Variants in MIA2 observed in about 807,000 individuals in gnomAD.
MIA2 encodes the protein melanoma inhibitory activity protein 2.
Under a neutral mutation model 167.8 loss-of-function variants are expected in MIA2, and 127 were observed. The observed-to-expected ratio is 0.76, with a 90% CI of 0.66 to 0.88. The LOEUF (loss-of-function observed/expected upper bound fraction) is 0.88. Among genes scored for constraint, MIA2 ranks in the 40% least tolerant of loss-of-function variants. MIA2 has a pLI of 0.00. For synonymous variants in MIA2, 552 were observed against 541.9 expected (o/e 1.02, Z -0.26); for missense variants, 1,690 against 1,624.7 (o/e 1.04, Z -0.69).
chr14:39,253,807 T>C (rs1168267090), intron 6 of MIA2, among the ~76,000 whole-genome samples: 2 of 152,220 alleles, frequency 1.3e-5, no homozygotes, highest in African/African-American at 4.8e-5. Flanking sequence ...CTATTTTCAC[T>C]TGTAAATTTT....
intron 25 of MIA2, among the ~76,000 whole-genome samples, chr14:39,328,444 T>G (rs1443976405): frequency 6.6e-6 from 1 of 152,354 alleles, no homozygotes; most frequent in East Asian, 1.9e-4. Context: ...TAGTTTCTTT[T>G]GCTGTGCAGA....
intron 9 of MIA2, among the ~76,000 whole-genome samples, chr14:39,282,626 T>C (rs1400548636): frequency 6.6e-6 from 1 of 152,142 alleles, no homozygotes; most frequent in Non-Finnish European, 1.5e-5. Context: ...CAGGCTGGGG[T>C]GCAGTGGCAT....
At position 39,247,474 on chromosome 14, in the gene MIA2, C is replaced by G; in HGVS notation, c.900C>G (p.His300Gln). The part of the protein sequence containing the change: ...TQSELASESE[H>Q]IPKPQSTGWF... Reference sequence around the variant, plus strand: ...CTGAACTAGCATCTGAGTCAGAGCACATTCCCAAACCTCAATCCACTGGTT... The same window carrying G: ...CTGAACTAGCATCTGAGTCAGAGCAGATTCCCAAACCTCAATCCACTGGTT... Residue 300 changes from histidine to glutamine, a missense_variant, in exon 4 of 29, where the codon CAC (histidine) becomes CAG (glutamine). By Grantham distance (24) the His-to-Gln change is conservative. Transcript: ENST00000640607. 1 of 1,613,804 alleles carries G rather than the reference C, an allele frequency of 6.2e-7. No individual in the cohort carries two copies. Among genetic ancestry groups the G allele is most frequent in the Non-Finnish European group, 8.5e-7 (1 of 1,179,904 alleles).
intron 6 of MIA2, among the ~76,000 whole-genome samples, chr14:39,268,466 T>A (rs78896050): frequency 2.7e-5 from 4 of 146,244 alleles, no homozygotes; most frequent in Non-Finnish European, 6.0e-5. Context: ...AAAAAAAAAA[T>A]AGTACAAAGT....
Position 39,277,742 on chromosome 14 carries a change from A to G in MIA2, c.2019+677A>G, listed in dbSNP as rs866265046. Among the ~76,000 whole-genome samples the G allele has an allele frequency of 5.3e-3, 14 of 2,622 alleles. 1 individual carries two copies. The highest frequency in any genetic ancestry group is 0.17 in the Middle Eastern group (1 of 6). 1.7% of individuals were successfully genotyped at this position (2,622 alleles called of 152,430 possible). A position where few individuals can be genotyped will look rare whatever the true frequency, so the allele number is the denominator to read the frequency against. On this transcript the variant is annotated intron_variant, in intron 7 of 28. Coordinates refer to ENST00000640607, the MANE Select transcript of MIA2 (RefSeq NM_001329214.4). Reference sequence around the variant, plus strand: ...TGTGTATATATATATATATATATATATGTGTGTATATATATATATATATAT... The same window carrying G: ...TGTGTATATATATATATATATATATGTGTGTGTATATATATATATATATAT...
chr14:39,267,106 G>T, intron 6 of MIA2: 1 of 1,124,610 alleles, frequency 8.9e-7, no homozygotes, highest in Non-Finnish European at 1.1e-6. Context: ...CGAAGAAGGG[G>T]AAGTTTGCGG....
At chr14:39,333,010 G>C (rs532703287) in intron 25 of MIA2, among the ~76,000 whole-genome samples, 2 of 151,734 alleles carry the variant, frequency 1.3e-5, no homozygotes, top group African/African-American at 4.8e-5. Flanking sequence ...TTACCATTTG[G>C]TTCCTTTTTA....
chr14:39,343,800 T>C (rs1940625953), intron 25 of MIA2, among the ~76,000 whole-genome samples: 1 of 152,286 alleles, frequency 6.6e-6, no homozygotes, highest in African/African-American at 2.4e-5. Context: ...TGTGTATGTG[T>C]ATATGTGCAT....
Position 39,288,460 on chromosome 14 carries a change from TATATATATATA to T in MIA2, c.2131-2558_2131-2548del, listed in dbSNP as rs1249851973. Among the ~76,000 whole-genome samples, 17 of 15,950 alleles carry T rather than the reference TATATATATATA, an allele frequency of 1.1e-3. 2 individuals carry two copies. The highest frequency in any genetic ancestry group is 1.9e-3 in the African/African-American group (10 of 5,298). The allele number at this position is 15,950 out of a possible 152,430, so 10.5% of individuals were successfully genotyped here. On this transcript the variant is annotated intron_variant, in intron 9 of 28. Coordinates refer to ENST00000640607, the MANE Select transcript of MIA2 (RefSeq NM_001329214.4). ...ATATATATATATATATATATATATA[TATATATATATA>T]TATATTTTTTTTTTTTTTTTTGAGA...
At chr14:39,304,162 G>A (rs2062951864) in intron 16 of MIA2, 129 bp from the exon 17 acceptor site, 1 of 437,248 alleles carries the variant, frequency 2.3e-6, no homozygotes, top group Non-Finnish European at 4.1e-6. Context: ...TATTCCAGGT[G>A]ATAATTTCAT....
chr14:39,266,170 G>C, intron 6 of MIA2: 7 of 985,380 alleles, frequency 7.1e-6, no homozygotes, highest in Non-Finnish European at 8.4e-6. Flanking sequence ...TGTTTAGGAG[G>C]AAGTATCTGC....
chr14:39,344,577 T>C lies in MIA2; in HGVS notation c.3656-1327T>C, dbSNP rs1010522742. ...TGACTCTCGTTGATGCCAGGTGGTC[T>C]CTCTGGTTTTGTGTAGGAGAGATGA... On this transcript the variant is annotated intron_variant, in intron 25 of 28. Transcript: ENST00000640607. Among the ~76,000 whole-genome samples the C allele has an allele frequency of 4.6e-5, 7 of 152,338 alleles. No individual in the cohort carries two copies. The South Asian group carries it at 1.4e-3, about 32-fold the overall frequency.
chr14:39,386,027 A>G (rs1442632997), intron 23 of MIA2: 3 of 1,033,948 alleles, frequency 2.9e-6, no homozygotes, highest in Admixed American at 1.9e-5. Flanking sequence ...TGTCATGACA[A>G]CTCTGGGCCC....
intron 20 of MIA2, 49 bp from the exon 21 acceptor site, chr14:39,315,634 A>G (rs762285000): frequency 2.1e-6 from 3 of 1,397,878 alleles, no homozygotes; most frequent in Non-Finnish European, 3.0e-6. Context: ...AATGTTTTTT[A>G]CTTAAGAAAA....
intron 6 of MIA2, among the ~76,000 whole-genome samples, chr14:39,268,176 CTT>C (rs2056364599): frequency 1.3e-5 from 2 of 151,982 alleles, no homozygotes; most frequent in African/African-American, 4.8e-5. Context: ...TTCTAGGTAT[CTT>C]TGTTGACATG....
At chr14:39,253,689 C>T (rs2054684139) in intron 6 of MIA2, 2 of 151,168 alleles carry the variant, frequency 1.3e-5, no homozygotes, top group African/African-American at 4.9e-5. Context: ...TGAAAAGCAA[C>T]TTGTTTGTAT....
At chr14:39,375,132 C>T (rs1319316703) in intron 23 of MIA2, among the ~76,000 whole-genome samples, 7 of 152,062 alleles carry the variant, frequency 4.6e-5, no homozygotes, top group African/African-American at 1.7e-4. Context: ...GCATGTGCTC[C>T]CAATTAAAAC....
downstream of MIA2, among the ~76,000 whole-genome samples, chr14:39,356,065 C>T (rs2074516409): frequency 6.6e-6 from 1 of 152,214 alleles, no homozygotes; most frequent in Non-Finnish European, 1.5e-5. Context: ...ATGCTGCCCT[C>T]ATAAAATGAG....
intron 25 of MIA2, among the ~76,000 whole-genome samples, chr14:39,329,085 T>A (rs1489749602): frequency 6.6e-6 from 1 of 152,254 alleles, no homozygotes; most frequent in Non-Finnish European, 1.5e-5. Flanking sequence ...ATATTGATTC[T>A]TCATATCCAT....
Sources: allele counts gnomAD v4.1 joint callset (sites outside exome capture counted in the v4.1 genomes callset), GRCh38; gene constraint gnomAD v4.1.1; transcripts MANE v1.5; gene names NCBI Gene and HGNC (gene_info 2026-07-23, HGNC 2026-07-21).